Variants in NAT1 observed in about 807,000 individuals in gnomAD.
NAT1 encodes arylamine N-acetyltransferase 1.
For missense variants in NAT1, 400 were observed against 339.2 expected (o/e 1.18, Z -1.41); for synonymous variants, 144 against 122.6 (o/e 1.17, Z -1.16).
intron 2 of NAT1, among the ~76,000 whole-genome samples, chr8:18,188,676 T>C (rs777375088): frequency 5.0e-4 from 76 of 151,998 alleles, no homozygotes; most frequent in Non-Finnish European, 9.3e-4. Context: ...AATTTTTTAA[T>C]TGATATGTAA....
chr8:18,187,189 T>C (rs763118748), intron 2 of NAT1, among the ~76,000 whole-genome samples: 2 of 152,126 alleles, frequency 1.3e-5, no homozygotes, highest in Non-Finnish European at 1.5e-5. Context: ...TATTAAAACA[T>C]TAAAAAATAA....
In NAT1 at chr8:18,203,341, G is replaced by A. The variant is rs75851038; in HGVS notation, n.93-6440G>A. 6.9e-3 allele frequency among the ~76,000 whole-genome samples: 1,044 copies of A among 152,224 alleles called. 10 individuals carry two copies. Among genetic ancestry groups the A allele is most frequent in the African/African-American group, 0.023 (939 of 41,548 alleles). ...TTGGGCAAATAAAACTAGTTTTTAC[G>A]TTGTTGGTAAAATAAAATAGAAATG... On this transcript the variant is annotated intron_variant and non_coding_transcript_variant, in intron 2 of 4. Coordinates refer to the NAT1 transcript ENST00000517441.
intron 2 of NAT1, among the ~76,000 whole-genome samples, chr8:18,191,556 A>G (rs1269676394): frequency 2.6e-5 from 4 of 151,850 alleles, no homozygotes; most frequent in African/African-American, 4.8e-5. Flanking sequence ...CCAAAAGAAC[A>G]AAGCTGGAGG....
At position 18,223,626 on chromosome 8, in the gene NAT1, T is replaced by C; in HGVS notation, c.*706T>C. On this transcript the variant is annotated 3_prime_UTR_variant, in exon 3 of 3. Coordinates refer to ENST00000307719, the MANE Select transcript of NAT1 (RefSeq NM_000662.8). ...TATATGGATCAAGTAATAACGTCAG[T>C]AATGTTTTTGGTACAAAGTCATTAT... is the stretch of plus-strand genomic sequence containing the variant. 6.0e-6 allele frequency: 1 copy of C among 167,052 alleles called. No homozygotes were observed. The allele number at this position is 167,052 out of a possible 1,614,324, so 10.3% of individuals were successfully genotyped here.
upstream of NAT1, among the ~76,000 whole-genome samples, chr8:18,207,152 T>C (rs2117313019): frequency 6.6e-6 from 1 of 152,340 alleles, no homozygotes; most frequent in East Asian, 1.9e-4. Context: ...TGCTTGTTTT[T>C]GTCAGGTTTG....
At chr8:18,208,324 G>C (rs552718173), upstream of NAT1, among the ~76,000 whole-genome samples, 3 of 152,064 alleles carry the variant, frequency 2.0e-5, no homozygotes, top group Admixed American at 6.6e-5. Flanking sequence ...TAAAAAATAA[G>C]CCTAAAAGGA....
intron 2 of NAT1, among the ~76,000 whole-genome samples, chr8:18,182,498 T>A: frequency 6.6e-6 from 1 of 152,218 alleles, no homozygotes; most frequent in Non-Finnish European, 1.5e-5. Flanking sequence ...TTGCTTATGG[T>A]GTGAGCTATA....
At chr8:18,173,170 A>G (rs1022893829) in intron 2 of NAT1, among the ~76,000 whole-genome samples, 5 of 152,056 alleles carry the variant, frequency 3.3e-5, no homozygotes, top group African/African-American at 9.7e-5. Flanking sequence ...ACACACACAC[A>G]CACACACAAT....
intron 1 of NAT1, among the ~76,000 whole-genome samples, chr8:18,214,742 TAAACTTGTGTCATGGGGG>T (rs1804461612): frequency 6.6e-6 from 1 of 152,178 alleles, no homozygotes; most frequent in African/African-American, 2.4e-5. Context: ...GTTATATAGG[TAAACTTGTGTCATGGGGG>T]TTTGTTGTAC....
intron 1 of NAT1, among the ~76,000 whole-genome samples, chr8:18,211,667 C>G (rs1305829264): frequency 6.6e-6 from 1 of 152,170 alleles, no homozygotes; most frequent in East Asian, 1.9e-4. Flanking sequence ...GAATGATGGT[C>G]TTTGGGTGCG....
intron 2 of NAT1, among the ~76,000 whole-genome samples, chr8:18,172,469 G>A (rs576443055): frequency 1.3e-5 from 2 of 152,040 alleles, no homozygotes; most frequent in South Asian, 2.1e-4. Context: ...TGTCCTTGCC[G>A]CCAGGCTTGT....
chr8:18,207,441 T>C (rs1803772057), upstream of NAT1, among the ~76,000 whole-genome samples: 1 of 151,950 alleles, frequency 6.6e-6, no homozygotes, highest in Non-Finnish European at 1.5e-5. Context: ...GGTAGCTTGA[T>C]GAGAATAGCA....
upstream of NAT1, among the ~76,000 whole-genome samples, chr8:18,205,478 T>A (rs1589093083): frequency 6.6e-6 from 1 of 152,254 alleles, no homozygotes; most frequent in East Asian, 1.9e-4. Context: ...TCAGCAGTGT[T>A]AGCACAAGAG....
intron 1 of NAT1, among the ~76,000 whole-genome samples, chr8:18,212,991 A>C (rs1191188603): frequency 2.9e-5 from 4 of 139,584 alleles, no homozygotes; most frequent in African/African-American, 2.7e-5. Context: ...TGCAACCTCC[A>C]CCTCCCGGGT....
At chr8:18,200,551 G>A (rs546307451) in intron 2 of NAT1, among the ~76,000 whole-genome samples, 10 of 152,120 alleles carry the variant, frequency 6.6e-5, no homozygotes, top group Non-Finnish European at 1.3e-4. Context: ...AAGGGTGGGA[G>A]GATGGTAAGG....
chr8:18,189,003 A>AAAAAAG (rs1167893535), intron 2 of NAT1, among the ~76,000 whole-genome samples: 3 of 151,158 alleles, frequency 2.0e-5, no homozygotes, highest in South Asian at 4.2e-4. Flanking sequence ...TCAAAAAAAA[A>AAAAAAG]AAAAAAAAAG....
chr8:18,198,734 G>A (rs1183816926), intron 2 of NAT1, among the ~76,000 whole-genome samples: 5 of 152,170 alleles, frequency 3.3e-5, no homozygotes, highest in African/African-American at 1.2e-4. Flanking sequence ...AAGCTAAGTA[G>A]CATATCCATC....
chr8:18,218,896 A>T (rs563682083), intron 1 of NAT1, among the ~76,000 whole-genome samples: 3 of 152,216 alleles, frequency 2.0e-5, no homozygotes, highest in East Asian at 3.9e-4. Context: ...AGATGCTCTG[A>T]TAGCGGATCT....
At chr8:18,174,700 G>C (rs144965008) in intron 2 of NAT1, among the ~76,000 whole-genome samples, 1 of 152,032 alleles carries the variant, frequency 6.6e-6, no homozygotes, top group African/African-American at 2.4e-5. Flanking sequence ...AGCAGTGGTA[G>C]CAAGCATAAG....
Sources: gnomAD v4.1 joint callset for allele counts (sites outside exome capture counted in the v4.1 genomes callset) on GRCh38, gnomAD v4.1.1 for gene constraint, MANE v1.5 for transcripts, NCBI Gene and HGNC (gene_info 2026-07-23, HGNC 2026-07-21) for gene names.